The following CACNA1B variants were observed in gnomAD, a reference collection of about 807,000 sequenced individuals.
CACNA1B encodes the protein calcium voltage-gated channel subunit alpha1 B.
Under a neutral mutation model 247.2 loss-of-function variants are expected in CACNA1B, and 70 were observed. The observed-to-expected ratio is 0.28, with a 90% CI of 0.23 to 0.35. The LOEUF (loss-of-function observed/expected upper bound fraction) is 0.35, where lower values mean the gene tolerates loss of function less well. Ranked by LOEUF, CACNA1B falls within the 10% of genes least tolerant of loss-of-function variation. CACNA1B has a pLI of 1.00. For missense variants in CACNA1B, 2,367 were observed against 3,197.4 expected (o/e 0.74, Z 6.26); for synonymous variants, 1,231 against 1,294.4 (o/e 0.95, Z 1.05).
chr9:138,051,028 G>T lies in CACNA1B; in HGVS notation c.3711-1064G>T, dbSNP rs1008703798. On this transcript the variant is annotated intron_variant, in intron 24 of 46. Transcript: ENST00000371372. This position sits in a 1 kb window ranked among gnomAD's most constrained non-coding sequence, Gnocchi z 4.3. Reference sequence around the variant, plus strand: ...GAAGCAGGCCTTCCCCAGGGAGCGTGGTGGGACGTGGCCTCTGAGCAGGGT... The same window carrying T: ...GAAGCAGGCCTTCCCCAGGGAGCGTTGTGGGACGTGGCCTCTGAGCAGGGT... Among the ~76,000 whole-genome samples, 1 of 152,138 alleles carries T rather than the reference G, an allele frequency of 6.6e-6. No homozygotes were observed. The highest frequency in any genetic ancestry group is 2.4e-5 in the African/African-American group (1 of 41,442).
chr9:137,920,246 G>T (rs547229568), intron 6 of CACNA1B, among the ~76,000 whole-genome samples: 1 of 152,256 alleles, frequency 6.6e-6, no homozygotes, highest in African/African-American at 2.4e-5. Context: ...TCCCATGCTG[G>T]AATGCGATGG....
In CACNA1B at chr9:137,884,960, C is replaced by CG. The variant is rs1554919644; in HGVS notation, c.530+2077_530+2078insG. On this transcript the variant is annotated intron_variant, in intron 3 of 46. Transcript: ENST00000371372. ...CCCTCTCCCTCCTCTCCCCTCTTCC[C>CG]CCCCCCCCTCCTCCCACTTTGCCTG... 7.4e-5 allele frequency among the ~76,000 whole-genome samples: 8 copies of CG among 107,882 alleles called. 1 individual carries two copies. Among genetic ancestry groups the CG allele is most frequent in the African/African-American group, 2.7e-4 (8 of 29,286 alleles). The allele number at this position is 107,882 out of a possible 152,430, so 70.8% of individuals were successfully genotyped here.
chr9:137,962,343 G>A (rs1958030336), intron 10 of CACNA1B, among the ~76,000 whole-genome samples: 1 of 141,538 alleles, frequency 7.1e-6, no homozygotes, highest in African/African-American at 2.7e-5. Flanking sequence ...ACTAGCTCCT[G>A]TTTTCATTGA....
At chr9:138,040,909 T>G (rs1959112580) in intron 20 of CACNA1B, among the ~76,000 whole-genome samples, 1 of 152,264 alleles carries the variant, frequency 6.6e-6, no homozygotes, top group East Asian at 1.9e-4. Context: ...ACTAAGGTTT[T>G]GTGAGCTAAT....
chr9:137,959,063 T>G (rs1957981473), intron 10 of CACNA1B, among the ~76,000 whole-genome samples: 1 of 152,168 alleles, frequency 6.6e-6, no homozygotes, highest in African/African-American at 2.4e-5. Context: ...TCTTATAATT[T>G]TATTTTATTT....
Position 138,052,249 on chromosome 9 carries a change from C to T in CACNA1B, c.3807+61C>T, listed in dbSNP as rs74312740. 5.8e-4 allele frequency: 452 copies of T among 778,282 alleles called. No homozygotes were observed. Among genetic ancestry groups the T allele is most frequent in the South Asian group, 1.5e-3 (97 of 64,114 alleles). The allele number at this position is 778,282 out of a possible 1,614,324, so 48.2% of individuals were successfully genotyped here. A position where few individuals can be genotyped will look rare whatever the true frequency, so the allele number is the denominator to read the frequency against. On this transcript the variant is annotated intron_variant, in intron 25 of 46. Transcript: ENST00000371372. This position sits in a 1 kb window ranked among gnomAD's most constrained non-coding sequence, Gnocchi z 5.1. ...GTGTGTGTGTGCGTGTGTGTGTGTG[C>T]GTGTGTGTGTGTGTATGCATGCAGT...
At chr9:137,975,073 C>A (rs1227867487) in intron 11 of CACNA1B, among the ~76,000 whole-genome samples, 1 of 152,166 alleles carries the variant, frequency 6.6e-6, no homozygotes, top group African/African-American at 2.4e-5. Context: ...CCACGGCGTT[C>A]TTCTGTGCTG....
intron 6 of CACNA1B, among the ~76,000 whole-genome samples, chr9:137,920,393 C>T (rs367574201): frequency 5.9e-5 from 9 of 152,192 alleles, no homozygotes; most frequent in East Asian, 5.8e-4. Context: ...GACAGGGTTT[C>T]GCCATGTTGG....
intron 36 of CACNA1B, among the ~76,000 whole-genome samples, chr9:138,095,994 C>A (rs992146913): frequency 2.0e-5 from 3 of 151,954 alleles, no homozygotes; most frequent in Non-Finnish European, 4.4e-5. Context: ...AGGTATTCTT[C>A]GGGAACGACG....
intron 10 of CACNA1B, among the ~76,000 whole-genome samples, chr9:137,966,530 AT>A (rs981415771): frequency 4.2e-4 from 54 of 128,994 alleles, no homozygotes; most frequent in Non-Finnish European, 6.9e-4. Context: ...CCTGGCCAAA[AT>A]TTTTTTTATT....
chr9:138,077,009 C>T (rs1280131864), intron 35 of CACNA1B, among the ~76,000 whole-genome samples: 1 of 152,230 alleles, frequency 6.6e-6, no homozygotes, highest in Non-Finnish European at 1.5e-5. Context: ...TACTATTCTG[C>T]CTCATGCCGC....
chr9:138,037,405 T>G (rs917545727), intron 20 of CACNA1B, among the ~76,000 whole-genome samples: 2 of 152,164 alleles, frequency 1.3e-5, no homozygotes, highest in Non-Finnish European at 2.9e-5. Context: ...ACATGTGTAA[T>G]CCCAGCACTT....
chr9:137,930,555 A>AT, intron 6 of CACNA1B, among the ~76,000 whole-genome samples: 1 of 152,350 alleles, frequency 6.6e-6, no homozygotes, highest in South Asian at 2.1e-4. Flanking sequence ...CTTGGAAAGA[A>AT]TGTATATTCT....
Position 137,986,369 on chromosome 9 carries a change from G to A in CACNA1B, c.1770-44G>A. On this transcript the variant is annotated intron_variant, in intron 13 of 46. Coordinates refer to ENST00000371372, the MANE Select transcript of CACNA1B (RefSeq NM_000718.4). This position sits in a 1 kb window ranked among gnomAD's most constrained non-coding sequence, Gnocchi z 6.0. ...GGCTGCAGAGAGCCATGAATGTGAA[G>A]TCAGCGTCTGGAGCTGGCTCAGACC... 1 of 1,608,518 alleles carries A rather than the reference G, an allele frequency of 6.2e-7. No homozygotes were observed. The highest frequency in any genetic ancestry group is 8.5e-7 in the Non-Finnish European group (1 of 1,177,466).
At chr9:137,941,457 TC>T (rs1486782220) in intron 6 of CACNA1B, among the ~76,000 whole-genome samples, 1 of 152,106 alleles carries the variant, frequency 6.6e-6, no homozygotes, top group African/African-American at 2.4e-5. Flanking sequence ...TGGAAACACA[TC>T]CCATGCTTAT....
At chr9:138,061,716 C>G (rs1959731779) in intron 31 of CACNA1B, among the ~76,000 whole-genome samples, 1 of 152,214 alleles carries the variant, frequency 6.6e-6, no homozygotes, top group African/African-American at 2.4e-5. Flanking sequence ...CAAGGAAAGG[C>G]AAACCCACAC....
Position 138,120,260 on chromosome 9 carries a change from A to G in CACNA1B, c.6126A>G (p.Pro2042=), listed in dbSNP as rs753919766. 1.3e-5 allele frequency: 20 copies of G among 1,597,734 alleles called. No homozygotes were observed. In the East Asian group the frequency reaches 4.6e-4, roughly 37 times the overall value. Residue 2042 remains proline (P), a synonymous_variant, in exon 45 of 47, where the codon CCA becomes CCG. Transcript: ENST00000371372. ...TTTGCAGCACCACCCCGGACCGCCC[A>G]CCCCCTAGCCAGGCGTCGTCGCACC... is the stretch of plus-strand genomic sequence containing the variant. ...THLCSTTPDR[P]PPSQASSHHH... is the part of the protein sequence containing the mutation.
Position 138,014,095 on chromosome 9 carries a change from G to A in CACNA1B, c.2267+860G>A, listed in dbSNP as rs967026239. 6.6e-6 allele frequency among the ~76,000 whole-genome samples: 1 copy of A among 152,272 alleles called. No individual in the cohort carries two copies. The highest frequency in any genetic ancestry group is 1.5e-5 in the Non-Finnish European group (1 of 68,048). ...GCCGGGTGCAGCCACAGGTGCATCT[G>A]TAGTGACGTGTGTCTGCACTTCTGT... On this transcript the variant is annotated intron_variant, in intron 18 of 46. Transcript: ENST00000371372. This position sits in a 1 kb window ranked among gnomAD's most constrained non-coding sequence, Gnocchi z 6.2.
chr9:138,017,780 C>T (rs892191937), intron 18 of CACNA1B, among the ~76,000 whole-genome samples: 4 of 152,238 alleles, frequency 2.6e-5, no homozygotes, highest in African/African-American at 4.8e-5. Flanking sequence ...CAGGGAGTGA[C>T]TGGCTGGCAT....
Sources: allele counts gnomAD v4.1 joint callset (sites outside exome capture counted in the v4.1 genomes callset), GRCh38; gene constraint gnomAD v4.1.1; non-coding constraint Gnocchi (gnomAD v3.1); transcripts MANE v1.5; gene names NCBI Gene and HGNC (gene_info 2026-07-23, HGNC 2026-07-21).